BMAL1: variants seen among roughly 807,000 people sequenced by gnomAD.
BMAL1 encodes basic helix-loop-helix ARNT-like protein 1.
At chr11:13,367,607 A>G in the BMAL1 span, among the ~76,000 whole-genome samples, 1 of 149,672 alleles carries the variant, frequency 6.7e-6, no homozygotes, top group Admixed American at 6.7e-5. Context: ...AGGCTGAGGC[A>G]GGAGAGTTTC....
chr11:13,309,431 A>G, the BMAL1 span, among the ~76,000 whole-genome samples: 1 of 152,142 alleles, frequency 6.6e-6, no homozygotes, highest in Non-Finnish European at 1.5e-5. Flanking sequence ...GTGTCATTCC[A>G]AAGGTGTGTA....
chr11:13,364,035 C>G, the BMAL1 span, among the ~76,000 whole-genome samples: 1 of 152,206 alleles, frequency 6.6e-6, no homozygotes, highest in African/African-American at 2.4e-5. Context: ...AGCATTACCT[C>G]CAGGGTGTCA....
At chr11:13,348,610 C>T in the BMAL1 span, among the ~76,000 whole-genome samples, 1 of 152,108 alleles carries the variant, frequency 6.6e-6, no homozygotes, top group South Asian at 2.1e-4. Flanking sequence ...GTGACCTAAA[C>T]AGAGAATCAG....
At chr11:13,322,114 T>A in the BMAL1 span, among the ~76,000 whole-genome samples, 1 of 152,186 alleles carries the variant, frequency 6.6e-6, no homozygotes, top group Non-Finnish European at 1.5e-5. Context: ...GACCTCGGGC[T>A]AATCACCTGA....
chr11:13,372,552 C>G, the BMAL1 span: 1 of 1,302,608 alleles, frequency 7.7e-7, no homozygotes, highest in East Asian at 2.4e-5. Flanking sequence ...GCTCACACCT[C>G]AAATCCCAGC....
the BMAL1 span, among the ~76,000 whole-genome samples, chr11:13,294,371 T>TTC: frequency 6.7e-6 from 1 of 148,390 alleles, no homozygotes; most frequent in Non-Finnish European, 1.5e-5. Context: ...GTGACTTTTA[T>TTC]TCTCATCTCC....
the BMAL1 span, chr11:13,358,459 C>T: frequency 1.2e-6 from 2 of 1,601,812 alleles, no homozygotes; most frequent in Non-Finnish European, 1.7e-6. Flanking sequence ...GATTGAAAAG[C>T]GGCGTCGGGA....
the BMAL1 span, chr11:13,375,850 C>G: frequency 7.8e-7 from 1 of 1,285,816 alleles, no homozygotes; most frequent in Non-Finnish European, 1.0e-6. Context: ...CAGGCAACAT[C>G]CAGTATCACA....
chr11:13,366,513 G>A, the BMAL1 span: 8 of 659,488 alleles, frequency 1.2e-5, no homozygotes, highest in Non-Finnish European at 1.6e-5. Flanking sequence ...CAGGCAAAGT[G>A]GTTGGACATA....
the BMAL1 span, among the ~76,000 whole-genome samples, chr11:13,325,940 C>G: frequency 1.3e-5 from 2 of 151,670 alleles, no homozygotes; most frequent in African/African-American, 2.4e-5. Context: ...GGCGGTGGCT[C>G]ACATCTGTAA....
the BMAL1 span, among the ~76,000 whole-genome samples, chr11:13,315,609 A>G: frequency 1.3e-5 from 2 of 152,024 alleles, no homozygotes; most frequent in Non-Finnish European, 2.9e-5. Flanking sequence ...TGACCCTTCT[A>G]TACGCCACCG....
the BMAL1 span, among the ~76,000 whole-genome samples, chr11:13,359,639 A>G: frequency 6.6e-6 from 1 of 152,100 alleles, no homozygotes; most frequent in Non-Finnish European, 1.5e-5. Context: ...TTACAGATCC[A>G]TTTCCTTTTA....
chr11:13,284,300 C>G, the BMAL1 span, among the ~76,000 whole-genome samples: 1 of 135,894 alleles, frequency 7.4e-6, no homozygotes. Context: ...TCCCCAAATA[C>G]ATTTAGATAG....
the BMAL1 span, among the ~76,000 whole-genome samples, chr11:13,314,259 A>ACACT: frequency 6.6e-6 from 1 of 151,568 alleles, no homozygotes; most frequent in Non-Finnish European, 1.5e-5. Flanking sequence ...ACACACACAC[A>ACACT]CACACACACA....
chr11:13,350,520 T>A, the BMAL1 span, among the ~76,000 whole-genome samples: 1 of 152,118 alleles, frequency 6.6e-6, no homozygotes, highest in African/African-American at 2.4e-5. Flanking sequence ...TAAAGCACAG[T>A]TGTAAAAACA....
At chr11:13,335,223 A>G in the BMAL1 span, among the ~76,000 whole-genome samples, 4 of 152,236 alleles carry the variant, frequency 2.6e-5, no homozygotes, top group Admixed American at 6.5e-5. Flanking sequence ...GAGATTCTGC[A>G]TGGACATAAC....
the BMAL1 span, chr11:13,374,133 T>A: frequency 6.2e-7 from 1 of 1,613,972 alleles, no homozygotes; most frequent in Non-Finnish European, 8.5e-7. Flanking sequence ...CAAGAACTTC[T>A]AGGCACATCG....
At chr11:13,363,127 CATAT>C in the BMAL1 span, among the ~76,000 whole-genome samples, 8,145 of 108,542 alleles carry the variant, frequency 0.075, 310 homozygotes, top group East Asian at 0.13. Flanking sequence ...GTCTTTATTT[CATAT>C]ATATATATAT....
At chr11:13,372,318 C>A in the BMAL1 span, 2 of 1,614,122 alleles carry the variant, frequency 1.2e-6, no homozygotes, top group Middle Eastern at 1.6e-4. Context: ...TCATGTAGTT[C>A]CACAACCAGT....
Sources: allele counts gnomAD v4.1 joint callset (sites outside exome capture counted in the v4.1 genomes callset), GRCh38; gene constraint gnomAD v4.1.1; transcripts MANE v1.5; gene names NCBI Gene and HGNC (gene_info 2026-07-23, HGNC 2026-07-21).